The following PLEKHF1 variants were observed in gnomAD, a reference collection of about 807,000 sequenced individuals.
The protein encoded by PLEKHF1 is pleckstrin homology domain-containing family F member 1.
PLEKHF1 carries 1 observed loss-of-function variant against 4.1 expected under a neutral mutation model. That is an observed-to-expected ratio of 0.24 (90% CI 0.09 to 1.15). PLEKHF1 has a LOEUF of 1.15. PLEKHF1 is among the 50% of genes most tolerant of loss of function. The pLI is 0.52. For missense variants in PLEKHF1, 429 were observed against 400.6 expected (o/e 1.07, Z -0.60); for synonymous variants, 182 against 178.5 (o/e 1.02, Z -0.16).
At position 29,674,139 on chromosome 19, in the gene PLEKHF1, G is replaced by C. The variant is rs530016368; in HGVS notation, c.300G>C (p.Trp100Cys). 200 of 1,613,810 alleles carry C rather than the reference G, an allele frequency of 1.2e-4. 3 individuals are homozygous for C. The South Asian group carries it at 2.0e-3, about 16-fold the overall frequency. ...LPETLQAKNR[W>C]MIKTAKKSFV... ...AGACGCTGCAGGCCAAGAACCGCTG[G>C]ATGATCAAGACGGCCAAGAAGTCCT... is the stretch of plus-strand genomic sequence containing the variant. The change falls in exon 2 of 2, where the codon TGG becomes TGC. Residue 100 changes from tryptophan to cysteine, a missense_variant. Physicochemically the swap from Trp to Cys is radical, Grantham distance 215 (BLOSUM62 -2). Coordinates refer to ENST00000436066, the MANE Select transcript of PLEKHF1 (RefSeq NM_024310.5).
At position 29,674,613 on chromosome 19, in the gene PLEKHF1, C is replaced by T. The variant is rs770113821; in HGVS notation, c.774C>T (p.Asp258=). Residue 258 remains aspartate (D), a synonymous_variant, in exon 2 of 2, where the codon GAC becomes GAT. Transcript: ENST00000436066. ...ACGAGGACAAGGAGGGCAGCAGGGA[C>T]GGCGACTGGCCCAGCAGCGTGGAGT... ...DSDEDKEGSR[D]GDWPSSVEFY... 6.2e-7 allele frequency: 1 copy of T among 1,608,782 alleles called. No individual in the cohort carries two copies. The highest frequency in any genetic ancestry group is 8.5e-7 in the Non-Finnish European group (1 of 1,178,412).
intron 1 of PLEKHF1, among the ~76,000 whole-genome samples, chr19:29,669,683 A>G (rs1971608256): frequency 6.6e-6 from 1 of 152,208 alleles, no homozygotes; most frequent in Non-Finnish European, 1.5e-5. Flanking sequence ...ATTTCTTGAA[A>G]TTGGCAGATA....
At chr19:29,665,712 G>A (rs1215522633) in intron 1 of PLEKHF1, 4 of 1,105,564 alleles carry the variant, frequency 3.6e-6, no homozygotes, top group Non-Finnish European at 3.3e-6. Flanking sequence ...GGGTGAACCT[G>A]CAGGGAGCCT....
At chr19:29,673,196 G>C (rs1331851110) in intron 1 of PLEKHF1, among the ~76,000 whole-genome samples, 3 of 152,126 alleles carry the variant, frequency 2.0e-5, no homozygotes, top group Non-Finnish European at 2.9e-5. Context: ...TGGTTGCGTG[G>C]GTTGCAGGGC....
At chr19:29,665,756 C>A (rs755570843) in intron 1 of PLEKHF1, 36 of 1,069,850 alleles carry the variant, frequency 3.4e-5, no homozygotes, top group Non-Finnish European at 4.1e-5. Flanking sequence ...GCGTCCGAGG[C>A]GGAATCCCCG....
Position 29,673,880 on chromosome 19 carries a change from G to T in PLEKHF1, c.41G>T (p.Arg14Leu), listed in dbSNP as rs1442499224. The change falls in exon 2 of 2, where the codon CGC becomes CTC. Residue 14 changes from arginine (R) to leucine (L), a missense_variant. Transcript: ENST00000436066. ...HLANTEINSQ[R>L]IAAVESCFGA... ...GCCAACACGGAGATCAACAGCCAGC[G>T]CATCGCGGCAGTGGAGAGCTGCTTC... 6 of 1,608,976 alleles carry T rather than the reference G, an allele frequency of 3.7e-6. No homozygotes were observed. The highest frequency in any genetic ancestry group is 1.1e-5 in the South Asian group (1 of 90,872).
chr19:29,670,335 A>G (rs1188209308), intron 1 of PLEKHF1, among the ~76,000 whole-genome samples: 2 of 152,166 alleles, frequency 1.3e-5, no homozygotes, highest in African/African-American at 2.4e-5. Context: ...TTCTGTCTCT[A>G]TGAATTTGAT....
intron 1 of PLEKHF1, 74 bp downstream of exon 1, chr19:29,665,579 A>G: frequency 8.1e-7 from 1 of 1,236,142 alleles, no homozygotes; most frequent in African/African-American, 1.6e-5. Flanking sequence ...TCCCATCACC[A>G]CCCCCGGACA....
chr19:29,667,538 C>T (rs996030963), intron 1 of PLEKHF1, among the ~76,000 whole-genome samples: 8 of 152,146 alleles, frequency 5.3e-5, no homozygotes, highest in Non-Finnish European at 1.2e-4. Context: ...CTGAGCTGCC[C>T]CCAGAACTCT....
intron 1 of PLEKHF1, among the ~76,000 whole-genome samples, chr19:29,670,393 A>T (rs1038262341): frequency 6.6e-6 from 1 of 152,142 alleles, no homozygotes. Flanking sequence ...TCCTTTTGTG[A>T]TGGGCCTGCT....
At chr19:29,669,089 G>A (rs543925068) in intron 1 of PLEKHF1, among the ~76,000 whole-genome samples, 2 of 152,310 alleles carry the variant, frequency 1.3e-5, no homozygotes, top group South Asian at 2.1e-4. Flanking sequence ...GGGTCTGTGA[G>A]TCATGGGTGG....
In PLEKHF1 at chr19:29,665,470, T is replaced by G; in HGVS notation, c.-52T>G. ...GGCGGGGACCCGGGCTACTGCGGTGTGGACTCGAGGGCTGGGCGCGGGGCC... is the reference window on the plus strand; with the variant it reads ...GGCGGGGACCCGGGCTACTGCGGTGGGGACTCGAGGGCTGGGCGCGGGGCC... On this transcript the variant is annotated 5_prime_UTR_variant, in exon 1 of 2. Coordinates refer to ENST00000436066, the MANE Select transcript of PLEKHF1 (RefSeq NM_024310.5). 1 of 967,476 alleles carries G rather than the reference T, an allele frequency of 1.0e-6. No individual in the cohort carries two copies. The highest frequency in any genetic ancestry group is 1.3e-6 in the Non-Finnish European group (1 of 744,172). The allele number at this position is 967,476 out of a possible 1,614,324, so 59.9% of individuals were successfully genotyped here.
chr19:29,665,907 C>T, intron 1 of PLEKHF1: 3 of 741,630 alleles, frequency 4.0e-6, no homozygotes, highest in Non-Finnish European at 5.0e-6. Context: ...CTTCTCAGCC[C>T]CAGTCTGCAG....
At chr19:29,666,094 G>T (rs1488523505) in intron 1 of PLEKHF1, among the ~76,000 whole-genome samples, 1 of 152,150 alleles carries the variant, frequency 6.6e-6, no homozygotes, top group Non-Finnish European at 1.5e-5. Flanking sequence ...CCCGCAGAGA[G>T]AGGCGGCCTG....
chr19:29,675,020 G>T lies in PLEKHF1; in HGVS notation c.*341G>T. The T allele has an allele frequency of 7.2e-6, 2 of 277,206 alleles. No homozygotes were observed. The highest frequency in any genetic ancestry group is 7.2e-6 in the Non-Finnish European group (1 of 139,696). The allele number at this position is 277,206 out of a possible 1,614,324, so 17.2% of individuals were successfully genotyped here. On this transcript the variant is annotated 3_prime_UTR_variant, in exon 2 of 2. Coordinates refer to ENST00000436066, the MANE Select transcript of PLEKHF1 (RefSeq NM_024310.5). ...GACATCTAGGGACCAGAGCAGGTTT[G>T]GGAACACAGAGGGAAGACAGGATGG...
In PLEKHF1 at chr19:29,665,516, C is replaced by G. The variant is rs914274321; in HGVS notation, c.-17+11C>G. The G allele has an allele frequency of 8.1e-7, 1 of 1,232,568 alleles. No homozygotes were observed. The highest frequency in any genetic ancestry group is 2.6e-5 in the Admixed American group (1 of 38,760). 76.4% of individuals were successfully genotyped at this position (1,232,568 alleles called of 1,614,324 possible). On this transcript the variant is annotated intron_variant, in intron 1 of 1. Transcript: ENST00000436066. The stretch of plus-strand genomic sequence containing the variant: ...GGGCCGGCGCAGAAGGTGAGTCCCC[C>G]CACCGTCCCCCGGCCGGGCTGCGGG...
chr19:29,673,629 C>G (rs934018412), intron 1 of PLEKHF1, among the ~76,000 whole-genome samples, 195 bp from the exon 2 acceptor site: 2 of 152,176 alleles, frequency 1.3e-5, no homozygotes, highest in East Asian at 1.9e-4. Flanking sequence ...CCTTCCCTCC[C>G]CGTAGTTCCC....
In PLEKHF1 at chr19:29,674,870, A is replaced by T; in HGVS notation, c.*191A>T. On this transcript the variant is annotated 3_prime_UTR_variant, in exon 2 of 2. Transcript: ENST00000436066. ...GTGTCCTTATGGCTTCACTGCAGGT[A>T]ATGCCTTTCCCTTCAGGAAGCCCCA... is the stretch of plus-strand genomic sequence containing the variant. 17 of 820,172 alleles carry T rather than the reference A, an allele frequency of 2.1e-5. 1 individual carries two copies. The South Asian group carries it at 4.1e-4, about 20-fold the overall frequency. 50.8% of individuals were successfully genotyped at this position (820,172 alleles called of 1,614,324 possible).
intron 1 of PLEKHF1, among the ~76,000 whole-genome samples, chr19:29,670,383 T>A (rs183428467): frequency 7.9e-5 from 12 of 152,366 alleles, no homozygotes; most frequent in African/African-American, 2.9e-4. Context: ...ACAGTATTTG[T>A]CCTTTTGTGA....
Sources: gnomAD v4.1 joint callset for allele counts (sites outside exome capture counted in the v4.1 genomes callset) on GRCh38, gnomAD v4.1.1 for gene constraint, MANE v1.5 for transcripts, NCBI Gene and HGNC (gene_info 2026-07-23, HGNC 2026-07-21) for gene names.